PRICKLE2: variants seen among roughly 807,000 people sequenced by gnomAD.
PRICKLE2 encodes prickle-like protein 2.
A neutral mutation model predicts 81.4 loss-of-function variants in PRICKLE2; 21 were observed. That is an observed-to-expected ratio of 0.26 (90% CI 0.18 to 0.37). The LOEUF (loss-of-function observed/expected upper bound fraction) is 0.37. Among genes scored for constraint, PRICKLE2 ranks in the 10% least tolerant of loss-of-function variants. The probability of loss-of-function intolerance (pLI) is 1.00; values close to 1 mark genes in which losing one functional copy is unlikely to be tolerated. For missense variants in PRICKLE2, 940 were observed against 1,109.0 expected, an observed-to-expected ratio of 0.85 and a Z score of 2.16; for synonymous variants, 456 against 421.5, an observed-to-expected ratio of 1.08 and a Z score of -1.00.
At chr3:64,203,046 A>G (rs540466266) in intron 1 of PRICKLE2, among the ~76,000 whole-genome samples, 1 of 152,298 alleles carries the variant, frequency 6.6e-6, no homozygotes, top group East Asian at 1.9e-4. Flanking sequence ...TATTCTATTA[A>G]TGTGTTGTGC....
chr3:64,231,433 AAACAGCTGAAACCT>A (rs2079099313), intron 2 of PRICKLE2, among the ~76,000 whole-genome samples: 1 of 152,212 alleles, frequency 6.6e-6, no homozygotes, highest in Admixed American at 6.5e-5. Flanking sequence ...AATTTTCATT[AAACAGCTGAAACCT>A]GAATTTTCTT....
At chr3:64,186,374 A>T (rs569494606) in intron 2 of PRICKLE2, among the ~76,000 whole-genome samples, 16 of 152,356 alleles carry the variant, frequency 1.1e-4, no homozygotes, top group African/African-American at 3.8e-4. Context: ...CCAATGTTGG[A>T]AAGCAGCACA....
At chr3:64,201,690 C>T (rs1236151128) in intron 1 of PRICKLE2, among the ~76,000 whole-genome samples, 1 of 152,100 alleles carries the variant, frequency 6.6e-6, no homozygotes, top group African/African-American at 2.4e-5. Flanking sequence ...ATTTTGTGGA[C>T]TGTCTTTTCA....
rs6798495 is a variant in PRICKLE2, at chr3:64,219,307, G to T, written c.-41+5603C>A. On this transcript the variant is annotated intron_variant, in intron 1 of 7. Transcript: ENST00000638394. ...CCTTCATGTTCAAGATGAAAGAACTGAGGCTCAGAAAACGGAAACATACAT... is the reference window on the plus strand; with the variant it reads ...CCTTCATGTTCAAGATGAAAGAACTTAGGCTCAGAAAACGGAAACATACAT... Among the ~76,000 whole-genome samples the T allele has an allele frequency of 7.8e-3, 1,194 of 152,314 alleles. 18 individuals carry two copies. Among genetic ancestry groups the T allele is most frequent in the African/African-American group, 0.027 (1,126 of 41,556 alleles).
At chr3:64,211,748 T>C (rs1294742096) in intron 1 of PRICKLE2, among the ~76,000 whole-genome samples, 1 of 152,230 alleles carries the variant, frequency 6.6e-6, no homozygotes, top group Non-Finnish European at 1.5e-5. Flanking sequence ...AGGCCATCAT[T>C]AATGTGTTAG....
At chr3:64,128,130 A>C (rs2077139300) in intron 7 of PRICKLE2, among the ~76,000 whole-genome samples, 1 of 152,096 alleles carries the variant, frequency 6.6e-6, no homozygotes, top group Non-Finnish European at 1.5e-5. Context: ...TGGGGGCGTT[A>C]GAGGTGGCAG....
At position 64,171,654 on chromosome 3, in the gene PRICKLE2, T is replaced by C. The variant is rs928428645; in HGVS notation, c.145-8525A>G. ...ATGGATGCATGCTGTATTCAAATCTTACCTTTCTAGCTGTCTGGGTTATTA... is the reference window on the plus strand; with the variant it reads ...ATGGATGCATGCTGTATTCAAATCTCACCTTTCTAGCTGTCTGGGTTATTA... On this transcript the variant is annotated intron_variant, in intron 2 of 7. Coordinates refer to ENST00000638394, the MANE Select transcript of PRICKLE2 (RefSeq NM_198859.4). Among the ~76,000 whole-genome samples the C allele has an allele frequency of 3.3e-5, 5 of 152,364 alleles. No homozygotes were observed. The East Asian group carries it at 7.7e-4, about 23-fold the overall frequency.
chr3:64,136,685 A>G (rs1052285941), intron 7 of PRICKLE2, among the ~76,000 whole-genome samples: 3 of 152,044 alleles, frequency 2.0e-5, no homozygotes, highest in Admixed American at 1.3e-4. Flanking sequence ...ATCACCCATA[A>G]GTCTCATATG....
intron 2 of PRICKLE2, among the ~76,000 whole-genome samples, chr3:64,187,834 T>C (rs1411127718): frequency 6.6e-6 from 1 of 152,212 alleles, no homozygotes; most frequent in Non-Finnish European, 1.5e-5. Flanking sequence ...GCTGGACGCC[T>C]GGCACTGTGG....
At chr3:64,221,384 A>G (rs1401368712) in intron 1 of PRICKLE2, among the ~76,000 whole-genome samples, 1 of 151,232 alleles carries the variant, frequency 6.6e-6, no homozygotes, top group Non-Finnish European at 1.5e-5. Flanking sequence ...CGACTGACTC[A>G]ATCCCCAAAA....
intron 7 of PRICKLE2, among the ~76,000 whole-genome samples, chr3:64,131,535 A>G (rs1159982600): frequency 2.0e-5 from 3 of 152,176 alleles, no homozygotes; most frequent in Non-Finnish European, 4.4e-5. Flanking sequence ...CTTACTGTTT[A>G]CTTAAGGAAA....
chr3:64,112,343 A>G (rs2076861756), intron 7 of PRICKLE2, among the ~76,000 whole-genome samples: 1 of 152,202 alleles, frequency 6.6e-6, no homozygotes, highest in Non-Finnish European at 1.5e-5. Context: ...GTACTCCTTT[A>G]GGCTTGGGAT....
intron 2 of PRICKLE2, chr3:64,174,740 A>G: frequency 9.5e-6 from 2 of 210,900 alleles, no homozygotes; most frequent in Admixed American, 8.5e-5. Flanking sequence ...ATAAAGAATG[A>G]ATTTTACAAT....
chr3:64,128,117 C>T (rs972243531), intron 7 of PRICKLE2, among the ~76,000 whole-genome samples: 6 of 151,906 alleles, frequency 3.9e-5, no homozygotes, highest in South Asian at 4.2e-4. Flanking sequence ...GAGGAGGTAG[C>T]GTTGGGGGCG....
chr3:64,147,329 G>A lies in PRICKLE2; in HGVS notation c.1161C>T (p.Ser387=), dbSNP rs1416417542. 6.2e-7 allele frequency: 1 copy of A among 1,614,104 alleles called. No individual in the cohort carries two copies. Among genetic ancestry groups the A allele is most frequent in the East Asian group, 2.2e-5 (1 of 44,872 alleles). The change falls in exon 7 of 8, where the codon AGC becomes AGT. Residue 387 remains serine (S), a synonymous_variant. Transcript: ENST00000638394. This position sits in a 1 kb window ranked among gnomAD's most constrained non-coding sequence, Gnocchi z 5.0. ...DMLSLSSQTP[S]LNRDPIWRSR... ...TCCTCCAGATGGGGTCCCGGTTGAGGCTGGGTGTCTGGCTGGACAGGCTGA... is the reference window on the plus strand; with the variant it reads ...TCCTCCAGATGGGGTCCCGGTTGAGACTGGGTGTCTGGCTGGACAGGCTGA...
At chr3:64,184,721 C>T (rs1038299381) in intron 2 of PRICKLE2, among the ~76,000 whole-genome samples, 8 of 152,118 alleles carry the variant, frequency 5.3e-5, no homozygotes, top group Non-Finnish European at 1.2e-4. Context: ...ATCATTCAAG[C>T]GATCCTCCTG....
chr3:64,186,367 A>G (rs148913726), intron 2 of PRICKLE2, among the ~76,000 whole-genome samples: 1 of 152,334 alleles, frequency 6.6e-6, no homozygotes, highest in East Asian at 1.9e-4. Context: ...AACTTGGCCA[A>G]TGTTGGAAAG....
chr3:64,253,565 A>G (rs191912426), intron 2 of PRICKLE2, among the ~76,000 whole-genome samples: 1 of 152,340 alleles, frequency 6.6e-6, no homozygotes, highest in Non-Finnish European at 1.5e-5. Context: ...TTTTTAAAGC[A>G]TAATAACTGG....
chr3:64,200,070 C>T (rs1182625739), intron 1 of PRICKLE2: 1 of 152,156 alleles, frequency 6.6e-6, no homozygotes, highest in Non-Finnish European at 1.5e-5. Flanking sequence ...TCATCACTAT[C>T]TAATTTTCAT....
Sources: allele counts gnomAD v4.1 joint callset (sites outside exome capture counted in the v4.1 genomes callset), GRCh38; gene constraint gnomAD v4.1.1; non-coding constraint Gnocchi (gnomAD v3.1); transcripts MANE v1.5; gene names NCBI Gene and HGNC (gene_info 2026-07-23, HGNC 2026-07-21).